WDFY4: variants seen among roughly 807,000 people sequenced by gnomAD.
WDFY4 encodes the protein WD repeat- and FYVE domain-containing protein 4.
Under a neutral mutation model 351.9 loss-of-function variants are expected in WDFY4, and 169 were observed. The ratio of observed to expected loss-of-function variants is 0.48; its 90% CI spans 0.42 to 0.55. WDFY4 has a LOEUF of 0.55. Among genes scored for constraint, WDFY4 ranks in the 20% least tolerant of loss-of-function variants. The probability of loss-of-function intolerance (pLI) is 0.00; values close to 1 mark genes in which losing one functional copy is unlikely to be tolerated. For missense variants in WDFY4, 3,803 were observed against 3,935.6 expected, an observed-to-expected ratio of 0.97 and a Z score of 0.90; for synonymous variants, 1,622 against 1,574.6, an observed-to-expected ratio of 1.03 and a Z score of -0.71.
intron 31 of WDFY4, among the ~76,000 whole-genome samples, chr10:48,815,734 CT>C (rs539434729): frequency 0.059 from 8,707 of 146,600 alleles, 286 homozygotes; most frequent in Middle Eastern, 0.095. Context: ...TAATCCTATG[CT>C]TTTTTTTTTT....
intron 47 of WDFY4, among the ~76,000 whole-genome samples, chr10:48,937,534 C>A (rs955338205): frequency 1.3e-5 from 2 of 152,312 alleles, no homozygotes; most frequent in Non-Finnish European, 2.9e-5. Flanking sequence ...CCTTGCCCCA[C>A]ACCTCCATAT....
At chr10:48,939,541 C>T (rs772777141) in intron 47 of WDFY4, among the ~76,000 whole-genome samples, 20 of 152,172 alleles carry the variant, frequency 1.3e-4, no homozygotes, top group Non-Finnish European at 2.9e-4. Context: ...ATTAGAAAGC[C>T]AAGAGCCATT....
intron 56 of WDFY4, 131 bp from the exon 57 acceptor site, chr10:48,970,000 T>C: frequency 1.8e-6 from 2 of 1,127,756 alleles, no homozygotes; most frequent in South Asian, 1.6e-5. Context: ...CACCAAGAAC[T>C]GGCTCCTGAA....
rs1378754520 is a variant in WDFY4, at chr10:48,813,951, T to C, written c.5215-6T>C. ...GTCTGCTTACAGCTCCTGCCTCCTC[T>C]TCCAGGACAGCCTTGATGCCATGCT... On this transcript the variant is annotated splice_polypyrimidine_tract_variant and splice_region_variant and intron_variant, in intron 30 of 61. Coordinates refer to ENST00000325239, the MANE Select transcript of WDFY4 (RefSeq NM_001394531.1). 1.3e-6 allele frequency: 2 copies of C among 1,536,240 alleles called. No homozygotes were observed. Among genetic ancestry groups the C allele is most frequent in the Admixed American group, 4.1e-5 (2 of 49,202 alleles).
At chr10:48,927,232 C>A (rs1455160210) in intron 47 of WDFY4, among the ~76,000 whole-genome samples, 1 of 152,118 alleles carries the variant, frequency 6.6e-6, no homozygotes, top group East Asian at 1.9e-4. Context: ...CCGAACCCTC[C>A]CCCCTGCTTC....
intron 28 of WDFY4, among the ~76,000 whole-genome samples, chr10:48,809,422 A>AACATTAATC (rs2067373168): frequency 7.3e-6 from 1 of 137,132 alleles, no homozygotes; most frequent in South Asian, 2.4e-4. Context: ...TCATCACCAC[A>AACATTAATC]ACATTAATCA....
chr10:48,740,376 T>G (rs1382458746), intron 11 of WDFY4, among the ~76,000 whole-genome samples: 1 of 152,208 alleles, frequency 6.6e-6, no homozygotes, highest in East Asian at 1.9e-4. Context: ...AAATAACATT[T>G]TTTTGGAAGT....
intron 47 of WDFY4, among the ~76,000 whole-genome samples, chr10:48,912,931 A>T (rs1838138630): frequency 6.6e-6 from 1 of 152,226 alleles, no homozygotes; most frequent in Admixed American, 6.5e-5. Context: ...CCAAGTGCTC[A>T]TCTACTTTCT....
intron 1 of WDFY4, among the ~76,000 whole-genome samples, 174 bp downstream of exon 1, chr10:48,685,175 G>A (rs1309944408): frequency 1.3e-5 from 2 of 152,244 alleles, no homozygotes; most frequent in South Asian, 2.1e-4. Context: ...TGGGGAGCAG[G>A]AAGTGTGTGT....
At position 48,787,950 on chromosome 10, in the gene WDFY4, T is replaced by TCTTCTTCTTCTTCTTCTC. The variant is rs2066528145; in HGVS notation, c.3809-563_3809-562insCCTTCTTCTTCTTCTTCT. Among the ~76,000 whole-genome samples the TCTTCTTCTTCTTCTTCTC allele has an allele frequency of 4.0e-5, 4 of 100,690 alleles. No homozygotes were observed. The South Asian group carries it at 1.5e-3, about 38-fold the overall frequency. 66.1% of individuals were successfully genotyped at this position (100,690 alleles called of 152,430 possible). On this transcript the variant is annotated intron_variant, in intron 20 of 61. Coordinates refer to ENST00000325239, the MANE Select transcript of WDFY4 (RefSeq NM_001394531.1). Reference sequence around the variant, plus strand: ...TTCTTCTTCTTCTTCTTCTTCTTCTTCTTCTTCTTCTTCTTCTTCTTCTTC... The same window carrying TCTTCTTCTTCTTCTTCTC: ...TTCTTCTTCTTCTTCTTCTTCTTCTTCTTCTTCTTCTTCTTCTCCTTCTTCTTCTTCTTCTTCTTCTTC...
chr10:48,897,354 A>AT, intron 44 of WDFY4, 100 bp from the exon 45 acceptor site: 1 of 1,470,774 alleles, frequency 6.8e-7, no homozygotes, highest in East Asian at 2.5e-5. Context: ...GTCATTGGAA[A>AT]TGTGGGTGGA....
At chr10:48,913,706 C>T in intron 47 of WDFY4, 2 of 1,612,466 alleles carry the variant, frequency 1.2e-6, no homozygotes, top group South Asian at 1.1e-5. Flanking sequence ...TGTCATGGAG[C>T]CCTACCTCGT....
In WDFY4 at chr10:48,720,597, A is replaced by T. The variant is rs116899364; in HGVS notation, c.349+472A>T. ...CTCTACACATGCAGACACACCCAGA[A>T]CACACTACACACAGATATACACATA... is the stretch of plus-strand genomic sequence containing the variant. On this transcript the variant is annotated intron_variant, in intron 3 of 61. Coordinates refer to ENST00000325239, the MANE Select transcript of WDFY4 (RefSeq NM_001394531.1). 6.7e-3 allele frequency among the ~76,000 whole-genome samples: 1,022 copies of T among 152,130 alleles called. 9 individuals carry two copies. The highest frequency in any genetic ancestry group is 0.014 in the Middle Eastern group (4 of 294).
intron 51 of WDFY4, among the ~76,000 whole-genome samples, chr10:48,953,007 C>T (rs1841403615): frequency 6.6e-6 from 1 of 152,158 alleles, no homozygotes; most frequent in Non-Finnish European, 1.5e-5. Flanking sequence ...AGTTCAGGCT[C>T]TCCTTCCTGT....
intron 10 of WDFY4, 98 bp downstream of exon 10, chr10:48,734,133 A>G (rs2064563877): frequency 2.8e-6 from 3 of 1,056,376 alleles, no homozygotes; most frequent in African/African-American, 3.2e-5. Flanking sequence ...CTCAAGGAGT[A>G]ACCAATACAC....
intron 49 of WDFY4, among the ~76,000 whole-genome samples, chr10:48,944,080 C>T (rs1031960253): frequency 2.0e-5 from 3 of 152,200 alleles, no homozygotes; most frequent in African/African-American, 7.2e-5. Flanking sequence ...TGGGTCAGCC[C>T]TTGTGGGGTG....
chr10:48,937,541 A>C (rs957465712), intron 47 of WDFY4, among the ~76,000 whole-genome samples: 2 of 152,110 alleles, frequency 1.3e-5, no homozygotes, highest in Non-Finnish European at 2.9e-5. Flanking sequence ...CCACACCTCC[A>C]TATCTTCATC....
At chr10:48,854,976 C>G (rs953469619) in intron 39 of WDFY4, among the ~76,000 whole-genome samples, 1 of 152,066 alleles carries the variant, frequency 6.6e-6, no homozygotes, top group Non-Finnish European at 1.5e-5. Context: ...TTTTATGTCA[C>G]TTGTAATGCT....
chr10:48,973,421 A>AAACAGGAGCTTGTGG (rs1345109624), intron 57 of WDFY4, among the ~76,000 whole-genome samples: 30 of 152,350 alleles, frequency 2.0e-4, no homozygotes, highest in African/African-American at 7.2e-4. Flanking sequence ...CATTAAGGAC[A>AAACAGGAGCTTGTGG]AACAGGAGCT....
Sources: allele counts gnomAD v4.1 joint callset (sites outside exome capture counted in the v4.1 genomes callset), GRCh38; gene constraint gnomAD v4.1.1; transcripts MANE v1.5; gene names NCBI Gene and HGNC (gene_info 2026-07-23, HGNC 2026-07-21).